TMEFF2: variants seen among roughly 807,000 people sequenced by gnomAD.
TMEFF2 encodes the protein tomoregulin-2.
TMEFF2 carries 28 observed loss-of-function variants against 53.8 expected under a neutral mutation model. The observed-to-expected ratio is 0.52, with a 90% CI of 0.39 to 0.71. The LOEUF (loss-of-function observed/expected upper bound fraction) is 0.71. TMEFF2 is among the 30% of genes least tolerant of loss of function. The pLI is 0.00. For synonymous variants in TMEFF2, 162 were observed against 166.3 expected, an observed-to-expected ratio of 0.97 and a Z score of 0.20; for missense variants, 353 against 455.2, an observed-to-expected ratio of 0.78 and a Z score of 2.04.
chr2:192,090,494 A>G (rs150784744), intron 4 of TMEFF2, among the ~76,000 whole-genome samples: 10 of 152,268 alleles, frequency 6.6e-5, no homozygotes, highest in African/African-American at 2.2e-4. Context: ...ATCATAATAA[A>G]TTGCCAGGAG....
chr2:192,171,988 T>TA (rs5837291), intron 4 of TMEFF2, among the ~76,000 whole-genome samples: 96,808 of 151,766 alleles, frequency 0.64, 31,008 homozygotes, highest in East Asian at 0.69. Context: ...CTCAGCTACT[T>TA]AGAGTATTTC....
chr2:191,970,932 A>G (rs1415879030), intron 7 of TMEFF2, among the ~76,000 whole-genome samples: 1 of 152,214 alleles, frequency 6.6e-6, no homozygotes, highest in African/African-American at 2.4e-5. Flanking sequence ...TTGTATGATC[A>G]CCTTAGCTTA....
chr2:192,074,873 C>T (rs572301128), intron 4 of TMEFF2, among the ~76,000 whole-genome samples: 31 of 151,886 alleles, frequency 2.0e-4, no homozygotes, highest in Admixed American at 3.3e-4. Flanking sequence ...GATAGCATGA[C>T]TGCCATTTTC....
At chr2:192,184,643 G>C (rs1047521655) in intron 2 of TMEFF2, among the ~76,000 whole-genome samples, 160 bp from the exon 3 acceptor site, 1 of 152,104 alleles carries the variant, frequency 6.6e-6, no homozygotes, top group African/African-American at 2.4e-5. Context: ...ATTGAAAGAT[G>C]CACAAAGCCA....
At chr2:192,027,986 C>T (rs1574301853) in intron 5 of TMEFF2, 4 of 151,124 alleles carry the variant, frequency 2.6e-5, no homozygotes, top group Middle Eastern at 6.9e-3. Flanking sequence ...TGTGTCCCCA[C>T]CCAAATCTCA....
At position 191,953,765 on chromosome 2, in the gene TMEFF2, A is replaced by G; in HGVS notation, c.942T>C (p.Pro314=). The change falls in exon 9 of 10, where the codon CCT becomes CCC. Residue 314 remains proline, a synonymous_variant. Transcript: ENST00000272771. ...CGATTAAGACATACTGAAATCGTACAGGACCGGGAACAACGTATAGAACAC... is the reference window on the plus strand; with the variant it reads ...CGATTAAGACATACTGAAATCGTACGGGACCGGGAACAACGTATAGAACAC... The part of the protein sequence containing the change: ...DYSVLYVVPG[P]VRFQYVLIAA... 2 of 1,614,188 alleles carry G rather than the reference A, an allele frequency of 1.2e-6. No individual in the cohort carries two copies. The highest frequency in any genetic ancestry group is 1.7e-6 in the Non-Finnish European group (2 of 1,179,996).
At chr2:192,071,099 G>GATAGTAAAAAGTGTCAA (rs1411385555) in intron 4 of TMEFF2, among the ~76,000 whole-genome samples, 1 of 151,866 alleles carries the variant, frequency 6.6e-6, no homozygotes, top group African/African-American at 2.4e-5. Flanking sequence ...GCAGCAGAGA[G>GATAGTAAAAAGTGTCAA]ATAGTAAAAA....
chr2:192,135,791 C>T (rs912391921), intron 4 of TMEFF2, among the ~76,000 whole-genome samples: 2 of 151,890 alleles, frequency 1.3e-5, no homozygotes, highest in Non-Finnish European at 2.9e-5. Flanking sequence ...GGCCCTGCCC[C>T]GCCTTAACTG....
chr2:191,953,609 G>A, intron 9 of TMEFF2, 70 bp downstream of exon 9: 2 of 1,552,944 alleles, frequency 1.3e-6, no homozygotes, highest in Admixed American at 1.8e-5. Context: ...TCACCTCGGA[G>A]GGATCTGATT....
chr2:191,969,153 G>GTGTGTGTGTA (rs1553508565), intron 7 of TMEFF2, among the ~76,000 whole-genome samples: 52 of 151,018 alleles, frequency 3.4e-4, no homozygotes, highest in African/African-American at 1.2e-3. Flanking sequence ...GTGTGTGTGT[G>GTGTGTGTGTA]TATATATATA....
At chr2:192,132,816 G>A (rs1040982541) in intron 4 of TMEFF2, among the ~76,000 whole-genome samples, 1 of 152,162 alleles carries the variant, frequency 6.6e-6, no homozygotes, top group Non-Finnish European at 1.5e-5. Context: ...TCACCTGGCA[G>A]CCACTCCCAG....
chr2:192,171,669 T>A (rs1690917025), intron 4 of TMEFF2, among the ~76,000 whole-genome samples: 1 of 151,918 alleles, frequency 6.6e-6, no homozygotes, highest in African/African-American at 2.4e-5. Flanking sequence ...TCATTTGCAG[T>A]TCCCTTTGCC....
At chr2:192,131,839 T>C (rs1452660448) in intron 4 of TMEFF2, among the ~76,000 whole-genome samples, 1 of 152,144 alleles carries the variant, frequency 6.6e-6, no homozygotes, top group East Asian at 1.9e-4. Context: ...AACTCGACAG[T>C]AGTTCCAAAT....
chr2:192,034,936 C>G (rs528934450), intron 5 of TMEFF2: 1 of 152,360 alleles, frequency 6.6e-6, no homozygotes, highest in Admixed American at 6.5e-5. Context: ...TCCTGCAAGG[C>G]CTTCGGGGAT....
At chr2:192,059,584 G>C (rs935913644) in intron 4 of TMEFF2, among the ~76,000 whole-genome samples, 2 of 152,150 alleles carry the variant, frequency 1.3e-5, no homozygotes, top group African/African-American at 2.4e-5. Context: ...ACAATGGCAA[G>C]GACCTTAATG....
At position 192,191,894 on chromosome 2, in the gene TMEFF2, C is replaced by T. The variant is rs140929080; in HGVS notation, c.268G>A (p.Val90Ile). 1.2e-4 allele frequency: 193 copies of T among 1,610,852 alleles called. No individual in the cohort carries two copies. The highest frequency in any genetic ancestry group is 1.5e-4 in the Non-Finnish European group (175 of 1,177,420). ...CLRIGDTVTC[V>I]CQFKCNNDYV... ...AGACTTCTTACCTTGAACTGACAGA[C>T]GCAAGTCACAGTGTCTCCAATTCTT... The change falls in exon 2 of 10, where the codon GTC becomes ATC. Residue 90 changes from valine to isoleucine, a missense_variant. This residue lies in a region of TMEFF2 where 294 missense variants were observed against 397.3 expected (regional missense o/e 0.74). Transcript: ENST00000272771.
chr2:192,125,440 T>C (rs1399812477), intron 4 of TMEFF2, among the ~76,000 whole-genome samples: 1 of 152,118 alleles, frequency 6.6e-6, no homozygotes, highest in Non-Finnish European at 1.5e-5. Context: ...TAATATTGGG[T>C]TTTTCCACTT....
intron 4 of TMEFF2, among the ~76,000 whole-genome samples, chr2:192,139,545 A>G (rs905080029): frequency 2.6e-5 from 4 of 152,222 alleles, no homozygotes; most frequent in Non-Finnish European, 5.9e-5. Context: ...TGGTGAACAG[A>G]GTAAATCCCA....
intron 4 of TMEFF2, among the ~76,000 whole-genome samples, chr2:192,106,468 A>G (rs1689151779): frequency 6.6e-6 from 1 of 151,770 alleles, no homozygotes; most frequent in African/African-American, 2.4e-5. Context: ...TCAGAAAGTT[A>G]CCATTTCATG....
Sources: allele counts gnomAD v4.1 joint callset (sites outside exome capture counted in the v4.1 genomes callset), GRCh38; gene constraint gnomAD v4.1.1; regional missense constraint gnomAD v4.1.1; transcripts MANE v1.5; gene names NCBI Gene and HGNC (gene_info 2026-07-23, HGNC 2026-07-21).